Variants in LSAMP observed in about 807,000 individuals in gnomAD.
The protein encoded by LSAMP is limbic system associated membrane protein.
Under a neutral mutation model 38.6 loss-of-function variants are expected in LSAMP, and 7 were observed. That is an observed-to-expected ratio of 0.18 (90% CI 0.10 to 0.34). LSAMP has a LOEUF of 0.34. Ranked by LOEUF, LSAMP falls within the 10% of genes least tolerant of loss-of-function variation. The pLI is 1.00. For missense variants in LSAMP, 313 were observed against 420.0 expected (o/e 0.75, Z 2.23); for synonymous variants, 154 against 166.8 (o/e 0.92, Z 0.59).
chr3:116,442,567 G>A (rs536659527), intron 1 of LSAMP, among the ~76,000 whole-genome samples: 8 of 152,210 alleles, frequency 5.3e-5, no homozygotes, highest in South Asian at 2.1e-4. Context: ...TGAGAAGAAG[G>A]TCAGCTAAGA....
intron 1 of LSAMP, among the ~76,000 whole-genome samples, chr3:116,381,873 A>C (rs1190803438): frequency 6.6e-6 from 1 of 152,124 alleles, no homozygotes; most frequent in Non-Finnish European, 1.5e-5. Context: ...AGGATCATAC[A>C]ATATGGACTT....
At chr3:116,294,537 T>C (rs1441988144) in intron 1 of LSAMP, among the ~76,000 whole-genome samples, 1 of 152,190 alleles carries the variant, frequency 6.6e-6, no homozygotes, top group Non-Finnish European at 1.5e-5. Flanking sequence ...AAGATTTTTT[T>C]TGGTTACCAT....
chr3:116,190,736 T>C (rs1295126452), intron 1 of LSAMP, among the ~76,000 whole-genome samples: 4 of 152,192 alleles, frequency 2.6e-5, no homozygotes, highest in Non-Finnish European at 5.9e-5. Context: ...TAGAATCCTC[T>C]TTCAGTTGGT....
chr3:115,971,840 TC>T (rs1939029423), intron 3 of LSAMP, among the ~76,000 whole-genome samples: 1 of 152,074 alleles, frequency 6.6e-6, no homozygotes, highest in Non-Finnish European at 1.5e-5. Context: ...AATGAACAAA[TC>T]AATTAATTTT....
At chr3:116,095,454 T>A (rs1445657253) in intron 1 of LSAMP, among the ~76,000 whole-genome samples, 2 of 152,184 alleles carry the variant, frequency 1.3e-5, no homozygotes, top group African/African-American at 2.4e-5. Context: ...TGCATATCCA[T>A]GCAGATGGTA....
chr3:115,903,706 A>G (rs1449068063), intron 3 of LSAMP, among the ~76,000 whole-genome samples: 1 of 152,132 alleles, frequency 6.6e-6, no homozygotes, highest in Non-Finnish European at 1.5e-5. Flanking sequence ...CTCTGATAAA[A>G]ATGTATCTCT....
chr3:116,122,721 A>G (rs1708911727), intron 1 of LSAMP, among the ~76,000 whole-genome samples: 1 of 152,222 alleles, frequency 6.6e-6, no homozygotes, highest in Non-Finnish European at 1.5e-5. Flanking sequence ...TTCAACATAC[A>G]TTTAACGTAT....
chr3:115,909,017 A>T (rs555394187), intron 3 of LSAMP, among the ~76,000 whole-genome samples: 1 of 152,314 alleles, frequency 6.6e-6, no homozygotes, highest in Admixed American at 6.5e-5. Context: ...GCTTTTTCTC[A>T]AAGTCTCAAC....
intron 6 of LSAMP, among the ~76,000 whole-genome samples, chr3:115,833,537 T>C (rs1195833236): frequency 6.6e-6 from 1 of 152,162 alleles, no homozygotes; most frequent in Non-Finnish European, 1.5e-5. Context: ...TGAATGCATA[T>C]ACATGCAAAA....
Position 116,336,248 on chromosome 3 carries a change from T to C in LSAMP, c.155+108629A>G, listed in dbSNP as rs561593262. Reference sequence around the variant, plus strand: ...ACCAAAGGCACAGGCAACAAAAGAATAGACAAAAAAGACAAGGTGGACTTT... The same window carrying C: ...ACCAAAGGCACAGGCAACAAAAGAACAGACAAAAAAGACAAGGTGGACTTT... On this transcript the variant is annotated intron_variant, in intron 1 of 6. Coordinates refer to ENST00000490035, the MANE Select transcript of LSAMP (RefSeq NM_002338.5). Among the ~76,000 whole-genome samples, 272 of 151,868 alleles carry C rather than the reference T, an allele frequency of 1.8e-3. 2 individuals are homozygous for C. Among genetic ancestry groups the C allele is most frequent in the Non-Finnish European group, 2.8e-3 (192 of 67,852 alleles).
intron 1 of LSAMP, among the ~76,000 whole-genome samples, chr3:116,284,578 AC>A (rs2047169484): frequency 6.6e-6 from 1 of 152,182 alleles, no homozygotes; most frequent in African/African-American, 2.4e-5. Flanking sequence ...CTTTCTTCCC[AC>A]CAGGTGAAAT....
chr3:116,127,424 A>G (rs1267604365), intron 1 of LSAMP, among the ~76,000 whole-genome samples: 1 of 152,202 alleles, frequency 6.6e-6, no homozygotes, highest in Non-Finnish European at 1.5e-5. Flanking sequence ...TGCAGTAAAG[A>G]CATTTTTAGA....
chr3:115,864,201 C>G (rs577404550), intron 3 of LSAMP, among the ~76,000 whole-genome samples: 2 of 152,166 alleles, frequency 1.3e-5, no homozygotes, highest in Non-Finnish European at 2.9e-5. Flanking sequence ...CTGAAGGTGA[C>G]AGGTAGCTGT....
intron 1 of LSAMP, among the ~76,000 whole-genome samples, chr3:116,178,649 C>A (rs778772961): frequency 2.0e-5 from 3 of 152,066 alleles, no homozygotes; most frequent in Non-Finnish European, 4.4e-5. Flanking sequence ...ATAATCTGCA[C>A]CTCTTTAAAA....
At chr3:116,154,882 T>C (rs749148128) in intron 1 of LSAMP, among the ~76,000 whole-genome samples, 1 of 152,310 alleles carries the variant, frequency 6.6e-6, no homozygotes, top group Non-Finnish European at 1.5e-5. Context: ...TTTAAAGATA[T>C]TGAAATAGCC....
chr3:116,184,280 TACAGATGAGAAAAGAGAGGCAC>T, intron 1 of LSAMP, among the ~76,000 whole-genome samples: 1 of 152,020 alleles, frequency 6.6e-6, no homozygotes, highest in South Asian at 2.1e-4. Context: ...ATTTCCAGTT[TACAGATGAGAAAAGAGAGGCAC>T]ACAGAGGTTA....
intron 3 of LSAMP, among the ~76,000 whole-genome samples, chr3:115,915,279 T>C (rs1358852898): frequency 6.6e-6 from 1 of 152,230 alleles, no homozygotes; most frequent in African/African-American, 2.4e-5. Flanking sequence ...TATTGGGCAA[T>C]ATCTTGCTGA....
intron 3 of LSAMP, among the ~76,000 whole-genome samples, chr3:115,889,576 C>T (rs1276961079): frequency 6.6e-6 from 1 of 151,886 alleles, no homozygotes; most frequent in Non-Finnish European, 1.5e-5. Flanking sequence ...CTGCTTTGGC[C>T]CCCAGTTATG....
At chr3:116,301,868 T>G (rs2047413854) in intron 1 of LSAMP, among the ~76,000 whole-genome samples, 2 of 152,214 alleles carry the variant, frequency 1.3e-5, no homozygotes, top group African/African-American at 4.8e-5. Flanking sequence ...AATCTAATCT[T>G]AATCGCTCCT....
Sources: gnomAD v4.1 joint callset for allele counts (sites outside exome capture counted in the v4.1 genomes callset) on GRCh38, gnomAD v4.1.1 for gene constraint, MANE v1.5 for transcripts, NCBI Gene and HGNC (gene_info 2026-07-23, HGNC 2026-07-21) for gene names.